The following COL16A1 variants were observed in gnomAD, a reference collection of about 807,000 sequenced individuals.
COL16A1 encodes collagen alpha-1(XVI) chain.
In COL16A1, 189 loss-of-function variants were observed where a neutral mutation model predicts 266.3. The ratio of observed to expected loss-of-function variants is 0.71; its 90% CI spans 0.63 to 0.80. The LOEUF (loss-of-function observed/expected upper bound fraction) is 0.80, where lower values mean the gene tolerates loss of function less well. Among genes scored for constraint, COL16A1 ranks in the 30% least tolerant of loss-of-function variants. The pLI, the probability that COL16A1 is intolerant of heterozygous loss-of-function variation, is 0.00. For synonymous variants in COL16A1, 740 were observed against 782.3 expected (o/e 0.95, Z 0.90); for missense variants, 1,928 against 2,122.4 (o/e 0.91, Z 1.80).
Position 31,695,228 on chromosome 1 carries a change from G to C in COL16A1, c.946-7C>G. On this transcript the variant is annotated splice_region_variant and splice_polypyrimidine_tract_variant and intron_variant, in intron 10 of 70. Transcript: ENST00000373672. ...CATGGACACAGGGCGGACACTGAAA[G>C]GGAAGAGCAGGCGAAGAGGTCAATT... 6.2e-7 allele frequency: 1 copy of C among 1,613,812 alleles called. No homozygotes were observed. Among genetic ancestry groups the C allele is most frequent in the Non-Finnish European group, 8.5e-7 (1 of 1,179,956 alleles).
intron 62 of COL16A1, 43 bp from the exon 63 acceptor site, chr1:31,659,007 G>T: frequency 6.5e-7 from 1 of 1,538,396 alleles, no homozygotes; most frequent in Non-Finnish European, 8.8e-7. Flanking sequence ...GGTTCTAATA[G>T]TAAGACCCCT....
intron 42 of COL16A1, among the ~76,000 whole-genome samples, chr1:31,677,268 T>A (rs1295784795): frequency 6.6e-6 from 1 of 152,242 alleles, no homozygotes; most frequent in Non-Finnish European, 1.5e-5. Context: ...TTTGTATTTT[T>A]AGTAGAGACG....
chr1:31,692,945 A>G (rs565046253), intron 13 of COL16A1, 137 bp from the exon 14 acceptor site: 2 of 993,244 alleles, frequency 2.0e-6, no homozygotes, highest in South Asian at 2.8e-5. Context: ...CCAAACCCCT[A>G]GAAAGACCCT....
Position 31,681,253 on chromosome 1 carries a change from G to A in COL16A1, c.2539-186C>T, listed in dbSNP as rs1348102337. The stretch of plus-strand genomic sequence containing the variant: ...ACAAGGAAGAAGACTGGCATTTCCT[G>A]AGCACGTCTCAGTGCCAGCCACTGG... On this transcript the variant is annotated intron_variant, in intron 37 of 70. Coordinates refer to ENST00000373672, the MANE Select transcript of COL16A1 (RefSeq NM_001856.4). Among the ~76,000 whole-genome samples, 5 of 152,370 alleles carry A rather than the reference G, an allele frequency of 3.3e-5. No homozygotes were observed. The East Asian group carries it at 5.8e-4, about 18-fold the overall frequency.
chr1:31,654,744 A>G (rs765651960), intron 68 of COL16A1, 48 bp downstream of exon 68: 3 of 1,613,494 alleles, frequency 1.9e-6, no homozygotes, highest in Non-Finnish European at 1.7e-6. Context: ...GAGAAGTCAC[A>G]AGGAAGGGCA....
intron 4 of COL16A1, 108 bp downstream of exon 4, chr1:31,699,705 T>A (rs955367935): frequency 1.3e-6 from 1 of 751,510 alleles, no homozygotes. Context: ...GGGGCTGGGA[T>A]GCAATGACCC....
intron 10 of COL16A1, among the ~76,000 whole-genome samples, chr1:31,695,485 C>T (rs1249206885): frequency 4.1e-5 from 6 of 146,298 alleles, no homozygotes; most frequent in African/African-American, 7.6e-5. Context: ...GGGCAGAGTA[C>T]GGCCCAGAAT....
rs1220075582 is a variant in COL16A1 at position 31,701,519 on chromosome 1, C to A, written c.73+602G>T. On this transcript the variant is annotated intron_variant, in intron 2 of 70. Transcript: ENST00000373672. ...TGAGCCCAGAGGGCACCCAGCAAGG[C>A]CAGGCAAGTTGCCCGGTCAACTTCC... is the stretch of plus-strand genomic sequence containing the variant. The A allele has an allele frequency of 9.1e-6, 9 of 985,298 alleles. No individual in the cohort carries two copies. In the African/African-American group the frequency reaches 1.4e-4, roughly 15 times the overall value. 61.0% of individuals were successfully genotyped at this position (985,298 alleles called of 1,614,324 possible). A position where few individuals can be genotyped will look rare whatever the true frequency, so the allele number is the denominator to read the frequency against.
At chr1:31,681,598 T>G in intron 37 of COL16A1, among the ~76,000 whole-genome samples, 1 of 152,216 alleles carries the variant, frequency 6.6e-6, no homozygotes, top group African/African-American at 2.4e-5. Context: ...AGTGTGGGGC[T>G]GAGGAAGGGA....
At chr1:31,659,091 C>T (rs370484339) in intron 62 of COL16A1, 127 bp from the exon 63 acceptor site, 85 of 879,432 alleles carry the variant, frequency 9.7e-5, no homozygotes, top group East Asian at 4.6e-4. Flanking sequence ...AACCTTCCTT[C>T]GCTCTGGTCT....
intron 17 of COL16A1, 30 bp downstream of exon 17, chr1:31,691,975 T>C (rs775557850): frequency 1.2e-6 from 2 of 1,613,270 alleles, no homozygotes; most frequent in Non-Finnish European, 1.7e-6. Context: ...GTGCTGTGGG[T>C]TGTGGTGGGG....
chr1:31,671,724 G>T, intron 47 of COL16A1, 65 bp from the exon 48 acceptor site: 1 of 1,604,014 alleles, frequency 6.2e-7, no homozygotes, highest in Non-Finnish European at 8.5e-7. Flanking sequence ...TGGGATTCCA[G>T]CAGCCTTCCT....
Position 31,656,544 on chromosome 1 carries a change from C to CG in COL16A1, c.4057-101_4057-100insC. ...AGAGGCCCCTTCCACAGCCTGAGGC[C>CG]CCCAGGTGTGTCCAGCCCAGCTCTG... is the stretch of plus-strand genomic sequence containing the variant. On this transcript the variant is annotated intron_variant, in intron 65 of 70. Coordinates refer to ENST00000373672, the MANE Select transcript of COL16A1 (RefSeq NM_001856.4). The surrounding 1 kb of genome is among the most constrained non-coding windows in gnomAD (Gnocchi z 4.2). 1 of 1,529,762 alleles carries CG rather than the reference C, an allele frequency of 6.5e-7. No homozygotes were observed. The highest frequency in any genetic ancestry group is 8.8e-7 in the Non-Finnish European group (1 of 1,136,970). 94.8% of individuals were successfully genotyped at this position (1,529,762 alleles called of 1,614,324 possible). A position where few individuals can be genotyped will look rare whatever the true frequency, so the allele number is the denominator to read the frequency against.
chr1:31,683,564 G>C, intron 34 of COL16A1, 143 bp downstream of exon 34: 1 of 1,571,798 alleles, frequency 6.4e-7, no homozygotes, highest in South Asian at 1.2e-5. Context: ...GCAGGCCAGG[G>C]CTGCGGCCTG....
rs781577747 is a variant in COL16A1, at chr1:31,653,644, T to C, written c.4567A>G (p.Ile1523Val). 1.4e-5 allele frequency: 22 copies of C among 1,613,846 alleles called. No individual in the cohort carries two copies. In the South Asian group the frequency reaches 2.4e-4, roughly 18 times the overall value. The change falls in exon 70 of 71, where the codon ATT becomes GTT. Residue 1523 changes from isoleucine to valine, a missense_variant. Ile to Val is a conservative substitution (Grantham distance 29). Transcript: ENST00000373672. ...TTTTCTCCTGCAATGCCAATACCAA[T>C]GTCCCCTTTTTCACCTTTGGTACCA... ...LPGTKGEKGD[I>V]GIGIAGENGL... is the part of the protein sequence containing the mutation.
At chr1:31,693,012 T>C (rs994340142) in intron 13 of COL16A1, 80 bp downstream of exon 13, 2 of 1,055,318 alleles carry the variant, frequency 1.9e-6, no homozygotes, top group Non-Finnish European at 2.9e-6. Context: ...GCCGGGATGA[T>C]GGGATGATGG....
intron 67 of COL16A1, among the ~76,000 whole-genome samples, 200 bp from the exon 68 acceptor site, chr1:31,655,058 A>C (rs1351905422): frequency 1.4e-5 from 2 of 140,114 alleles, no homozygotes; most frequent in African/African-American, 5.5e-5. Flanking sequence ...ATCTTGGCTC[A>C]CAGCAACCTC....
Position 31,656,927 on chromosome 1 carries a change from C to G in COL16A1, c.4056+106G>C. The stretch of plus-strand genomic sequence containing the variant: ...CAGGGTTAACAATTTCCAGAGACAG[C>G]CCGTACATAGAAGGAATGTTTACTG... On this transcript the variant is annotated intron_variant, in intron 65 of 70. Transcript: ENST00000373672. The surrounding 1 kb of genome is among the most constrained non-coding windows in gnomAD (Gnocchi z 4.2). The G allele has an allele frequency of 1.3e-6, 2 of 1,493,822 alleles. No individual in the cohort carries two copies. Among genetic ancestry groups the G allele is most frequent in the Middle Eastern group, 1.7e-4 (1 of 5,806 alleles). 92.5% of individuals were successfully genotyped at this position (1,493,822 alleles called of 1,614,324 possible). A position where few individuals can be genotyped will look rare whatever the true frequency, so the allele number is the denominator to read the frequency against.
Position 31,679,825 on chromosome 1 carries a change from G to T in COL16A1, c.2697C>A (p.Ser899Arg). Residue 899 changes from serine (S) to arginine (R), a missense_variant, in exon 41 of 71, where the codon AGC becomes AGA. Physicochemically the swap from Ser to Arg is moderately radical, Grantham distance 110. Coordinates refer to ENST00000373672, the MANE Select transcript of COL16A1 (RefSeq NM_001856.4). ...ACACCTGCGGGCCCGGCTGCCAGGA[G>T]CTGCCCATCCAAAGTCCCGGAGCAC... ...MPGAPGLWMG[S>R]SWQPGPQGPP... 6.5e-7 allele frequency: 1 copy of T among 1,543,754 alleles called. No individual in the cohort carries two copies. The highest frequency in any genetic ancestry group is 2.3e-5 in the East Asian group (1 of 43,356).
Sources: gnomAD v4.1 joint callset for allele counts (sites outside exome capture counted in the v4.1 genomes callset) on GRCh38, gnomAD v4.1.1 for gene constraint, Gnocchi (gnomAD v3.1) non-coding constraint, MANE v1.5 for transcripts, NCBI Gene and HGNC (gene_info 2026-07-23, HGNC 2026-07-21) for gene names.